Variants in CLTC observed in about 807,000 individuals in gnomAD.
CLTC encodes clathrin heavy chain, also known as clathrin heavy chain 1.
A neutral mutation model predicts 195.8 loss-of-function variants in CLTC; 16 were observed. The observed-to-expected ratio is 0.08, with a 90% CI of 0.06 to 0.12. The LOEUF (loss-of-function observed/expected upper bound fraction) is 0.12, where lower values mean the gene tolerates loss of function less well. Ranked by LOEUF, CLTC falls within the 10% of genes least tolerant of loss-of-function variation. The pLI is 1.00. For synonymous variants in CLTC, 667 were observed against 689.4 expected, an observed-to-expected ratio of 0.97 and a Z score of 0.51; for missense variants, 796 against 2,027.0, an observed-to-expected ratio of 0.39 and a Z score of 11.66.
intron 9 of CLTC, chr17:59,664,566 AAG>A: frequency 7.2e-6 from 2 of 277,634 alleles, no homozygotes; most frequent in Non-Finnish European, 5.5e-6. Context: ...AAAAAAAAAA[AAG>A]AAAAGAAAAG....
At position 59,695,041 on chromosome 17, in the gene CLTC, C is replaced by T. The variant is rs1200427404; in HGVS notation, c.*1189C>T. On this transcript the variant is annotated 3_prime_UTR_variant, in exon 32 of 32. Coordinates refer to ENST00000269122, the MANE Select transcript of CLTC (RefSeq NM_004859.4). ...AACCAAGTGACACCGAGGTTTTTAT[C>T]GAAGCATTTCACTTAAATGAACAAA... 1 of 209,980 alleles carries T rather than the reference C, an allele frequency of 4.8e-6. No homozygotes were observed. Among genetic ancestry groups the T allele is most frequent in the Non-Finnish European group, 9.7e-6 (1 of 103,252 alleles). The allele number at this position is 209,980 out of a possible 1,614,324, so 13.0% of individuals were successfully genotyped here.
intron 14 of CLTC, chr17:59,671,090 G>A (rs2032838831): frequency 6.6e-6 from 1 of 152,190 alleles, no homozygotes; most frequent in Admixed American, 6.5e-5. Flanking sequence ...TAAGTGATAA[G>A]CCTTGGAAAA....
At chr17:59,634,715 A>G (rs763674905) in intron 1 of CLTC, among the ~76,000 whole-genome samples, 15 of 152,248 alleles carry the variant, frequency 9.9e-5, no homozygotes, top group Non-Finnish European at 2.1e-4. Context: ...GCAAGGGTTA[A>G]AGGCATTTTT....
rs2033437824 is a variant in CLTC at position 59,696,763 on chromosome 17, C to T, written c.*2911C>T. The T allele has an allele frequency of 4.9e-6, 1 of 205,658 alleles. No individual in the cohort carries two copies. Among genetic ancestry groups the T allele is most frequent in the Admixed American group, 5.9e-5 (1 of 16,842 alleles). 12.7% of individuals were successfully genotyped at this position (205,658 alleles called of 1,614,324 possible). A position where few individuals can be genotyped will look rare whatever the true frequency, so the allele number is the denominator to read the frequency against. Reference sequence around the variant, plus strand: ...CAGTTACCATAAATTCTTACTTGGGCCCACCCATTTCCATCTGTTAAGGTC... The same window carrying T: ...CAGTTACCATAAATTCTTACTTGGGTCCACCCATTTCCATCTGTTAAGGTC... On this transcript the variant is annotated 3_prime_UTR_variant, in exon 32 of 32. Coordinates refer to ENST00000269122, the MANE Select transcript of CLTC (RefSeq NM_004859.4).
In CLTC at chr17:59,668,997, A is replaced by G. The variant is rs960437234; in HGVS notation, c.2292+57A>G. The G allele has an allele frequency of 6.6e-6, 10 of 1,506,226 alleles. No individual in the cohort carries two copies. The African/African-American group carries it at 8.4e-5, about 13-fold the overall frequency. 93.3% of individuals were successfully genotyped at this position (1,506,226 alleles called of 1,614,324 possible). A position where few individuals can be genotyped will look rare whatever the true frequency, so the allele number is the denominator to read the frequency against. Reference sequence around the variant, plus strand: ...TGGATTCCAGGTTAGCAGTTCTACAAGGGTTTGGTCATAGTTCAAAAATAT... The same window carrying G: ...TGGATTCCAGGTTAGCAGTTCTACAGGGGTTTGGTCATAGTTCAAAAATAT... On this transcript the variant is annotated intron_variant, in intron 14 of 31. Coordinates refer to ENST00000269122, the MANE Select transcript of CLTC (RefSeq NM_004859.4).
chr17:59,622,490 A>G (rs2031411993), intron 1 of CLTC, among the ~76,000 whole-genome samples: 1 of 152,106 alleles, frequency 6.6e-6, no homozygotes, highest in South Asian at 2.1e-4. Flanking sequence ...CCATCCTCCC[A>G]CCTCAGCATC....
intron 5 of CLTC, among the ~76,000 whole-genome samples, chr17:59,653,529 CT>C: frequency 6.6e-6 from 1 of 151,460 alleles, no homozygotes; most frequent in East Asian, 2.0e-4. Flanking sequence ...CTCTCCTCCT[CT>C]CTCCCCCTCT....
chr17:59,621,415 A>G (rs2031374357), intron 1 of CLTC, among the ~76,000 whole-genome samples: 1 of 152,234 alleles, frequency 6.6e-6, no homozygotes, highest in South Asian at 2.1e-4. Context: ...TCAGTGACCT[A>G]TTAGACACTT....
chr17:59,636,746 A>C (rs920244339), intron 1 of CLTC, among the ~76,000 whole-genome samples: 2 of 151,868 alleles, frequency 1.3e-5, no homozygotes, highest in Non-Finnish European at 2.9e-5. Flanking sequence ...TTGCATCTTT[A>C]GAAAATAAGG....
In CLTC at chr17:59,677,159, C is replaced by T. The variant is rs962752209; in HGVS notation, c.2767C>T (p.Arg923Cys). 1.2e-6 allele frequency: 2 copies of T among 1,613,874 alleles called. No individual in the cohort carries two copies. The highest frequency in any genetic ancestry group is 1.3e-5 in the African/African-American group (1 of 75,020). ...ACATCTGGCCTGTGTTGCTTATGAACGTGGCCAATGTGATCTGGAACTTAT... is the reference window on the plus strand; with the variant it reads ...ACATCTGGCCTGTGTTGCTTATGAATGTGGCCAATGTGATCTGGAACTTAT... Reference protein sequence around the residue: ...DPHLACVAYERGQCDLELINV... With the variant: ...DPHLACVAYECGQCDLELINV... Residue 923 changes from arginine to cysteine, a missense_variant, in exon 17 of 32, where the codon CGT (arginine) becomes TGT (cysteine). By Grantham distance (180) the Arg-to-Cys change is radical (BLOSUM62 -3). Around this residue, in one of 9 missense-constraint regions of CLTC, gnomAD observed 160 missense variants for 448.2 expected, o/e 0.36. Coordinates refer to ENST00000269122, the MANE Select transcript of CLTC (RefSeq NM_004859.4).
intron 1 of CLTC, among the ~76,000 whole-genome samples, chr17:59,640,549 A>T (rs1436258124): frequency 6.6e-6 from 1 of 151,848 alleles, no homozygotes; most frequent in Non-Finnish European, 1.5e-5. Context: ...GGCGTGTGCC[A>T]CCATGGGCCC....
At chr17:59,642,210 T>G (rs890842296) in intron 1 of CLTC, among the ~76,000 whole-genome samples, 15 of 152,152 alleles carry the variant, frequency 9.9e-5, no homozygotes, top group Non-Finnish European at 1.9e-4. Context: ...AGTTGAGAAG[T>G]AGGAAGGAAT....
At chr17:59,665,497 C>CA (rs2032709134) in intron 10 of CLTC, among the ~76,000 whole-genome samples, 2 of 152,044 alleles carry the variant, frequency 1.3e-5, no homozygotes, top group African/African-American at 2.4e-5. Flanking sequence ...AAGTGTGAGT[C>CA]AGAGTCCTTC....
chr17:59,620,515 C>T lies in CLTC; in HGVS notation c.42+342C>T, dbSNP rs569123623. Among the ~76,000 whole-genome samples, 26 of 151,876 alleles carry T rather than the reference C, an allele frequency of 1.7e-4. No individual in the cohort carries two copies. In the East Asian group the frequency reaches 5.1e-3, roughly 30 times the overall value. On this transcript the variant is annotated intron_variant, in intron 1 of 31. Transcript: ENST00000269122. ...TGGGTAGGGGAGTGGGAGGGGGATT[C>T]TCCCTTGTTTCTACCAGAGCAAGGA...
In CLTC at chr17:59,674,808, T is replaced by C. The variant is rs1243603385; in HGVS notation, c.2526T>C (p.Thr842=). The change falls in exon 16 of 32, where the codon ACT becomes ACC. Residue 842 remains threonine (T), a synonymous_variant. Coordinates refer to ENST00000269122, the MANE Select transcript of CLTC (RefSeq NM_004859.4). ...TTGTTGTAAGAGGTCAATTCTCTAC[T>C]GATGAGCTTGTTGCTGAGGTTGAAA... ...LILVVRGQFS[T]DELVAEVEKR... 3.7e-6 allele frequency: 6 copies of C among 1,613,468 alleles called. No homozygotes were observed. Among genetic ancestry groups the C allele is most frequent in the Non-Finnish European group, 5.1e-6 (6 of 1,179,668 alleles).
intron 1 of CLTC, among the ~76,000 whole-genome samples, chr17:59,636,496 C>T (rs2031864088): frequency 6.6e-6 from 1 of 151,988 alleles, no homozygotes; most frequent in Non-Finnish European, 1.5e-5. Flanking sequence ...TGCTCTGTCG[C>T]CCAGGCTGGA....
At chr17:59,641,117 CAAAAA>C (rs10667057) in intron 1 of CLTC, among the ~76,000 whole-genome samples, 6 of 145,390 alleles carry the variant, frequency 4.1e-5, no homozygotes, top group Non-Finnish European at 6.0e-5. Flanking sequence ...GACTCGGTTT[CAAAAA>C]AAAAAACAAA....
intron 1 of CLTC, among the ~76,000 whole-genome samples, chr17:59,635,960 A>G (rs2031847191): frequency 6.6e-6 from 1 of 152,202 alleles, no homozygotes; most frequent in South Asian, 2.1e-4. Flanking sequence ...CTGTAATCCC[A>G]GCACTTTGGG....
chr17:59,626,853 G>A (rs1436448554), intron 1 of CLTC, among the ~76,000 whole-genome samples: 1 of 152,034 alleles, frequency 6.6e-6, no homozygotes, highest in African/African-American at 2.4e-5. Context: ...CTCTTCTTTT[G>A]TATTATCTCC....
Sources: allele counts gnomAD v4.1 joint callset (sites outside exome capture counted in the v4.1 genomes callset), GRCh38; gene constraint gnomAD v4.1.1; regional missense constraint gnomAD v4.1.1; transcripts MANE v1.5; gene names NCBI Gene and HGNC (gene_info 2026-07-23, HGNC 2026-07-21).